HOXB8: variants seen among roughly 807,000 people sequenced by gnomAD.
The protein encoded by HOXB8 is homeobox B8.
HOXB8 carries 17 observed loss-of-function variants against 22.2 expected under a neutral mutation model. The observed-to-expected ratio is 0.77, with a 90% CI of 0.53 to 1.15. HOXB8 has a LOEUF of 1.15. HOXB8 is among the 50% of genes most tolerant of loss of function. The pLI is 0.00. For missense variants in HOXB8, 287 were observed against 323.8 expected (o/e 0.89, Z 0.87); for synonymous variants, 156 against 144.6 (o/e 1.08, Z -0.57).
chr17:48,613,529 C>T lies in HOXB8; in HGVS notation c.425-20G>A. On this transcript the variant is annotated intron_variant, in intron 1 of 1. Coordinates refer to ENST00000239144, the MANE Select transcript of HOXB8 (RefSeq NM_024016.4). ...CGGCTGCTGGGAATGGGGGAAAGGGCGAGACAGAGGGGAGGGGAGGGTGGG... is the reference window on the plus strand; with the variant it reads ...CGGCTGCTGGGAATGGGGGAAAGGGTGAGACAGAGGGGAGGGGAGGGTGGG... 1.5e-6 allele frequency: 1 copy of T among 673,672 alleles called. No homozygotes were observed. The allele number at this position is 673,672 out of a possible 1,614,324, so 41.7% of individuals were successfully genotyped here.
chr17:48,614,944 A>T lies in HOXB8; in HGVS notation c.-240T>A, dbSNP rs2145002307. 2.3e-6 allele frequency: 1 copy of T among 441,424 alleles called. No homozygotes were observed. The highest frequency in any genetic ancestry group is 3.8e-5 in the East Asian group (1 of 26,498). 27.3% of individuals were successfully genotyped at this position (441,424 alleles called of 1,614,324 possible). A position where few individuals can be genotyped will look rare whatever the true frequency, so the allele number is the denominator to read the frequency against. On this transcript the variant is annotated 5_prime_UTR_variant, in exon 1 of 2. Coordinates refer to ENST00000239144, the MANE Select transcript of HOXB8 (RefSeq NM_024016.4). The surrounding 1 kb of genome is among the most constrained non-coding windows in gnomAD (Gnocchi z 4.1). ...GGTTTCCAGGAATAGAAAAGGACAG[A>T]GAAGCCTCCAAAAGTCTAAGCTTGC... is the stretch of plus-strand genomic sequence containing the variant.
rs2070673329 is a variant in HOXB8, at chr17:48,613,047, G to A, written c.*155C>T. On this transcript the variant is annotated 3_prime_UTR_variant, in exon 2 of 2. Transcript: ENST00000239144. Reference sequence around the variant, plus strand: ...GCTATTACGAGATACTACCACTAGCGGGGACTGGCGCGGCGGGGGACGCTG... The same window carrying A: ...GCTATTACGAGATACTACCACTAGCAGGGACTGGCGCGGCGGGGGACGCTG... 1 of 280,452 alleles carries A rather than the reference G, an allele frequency of 3.6e-6. No individual in the cohort carries two copies. The highest frequency in any genetic ancestry group is 6.2e-6 in the Non-Finnish European group (1 of 161,580). 17.4% of individuals were successfully genotyped at this position (280,452 alleles called of 1,614,324 possible).
rs202069371 is a variant in HOXB8 at position 48,614,628 on chromosome 17, C to T, written c.77G>A (p.Cys26Tyr). The change falls in exon 1 of 2, where the codon TGC becomes TAC. Residue 26 changes from cysteine to tyrosine, a missense_variant. Transcript: ENST00000239144. This position sits in a 1 kb window ranked among gnomAD's most constrained non-coding sequence, Gnocchi z 4.1. ...GCCGCCCAGGTCCTGGGCGAAGCCG[C>T]AGTCATAATAATTGGGGCGCAGGGA... The part of the protein sequence containing the change: ...GESLRPNYYD[C>Y]GFAQDLGGRP... The T allele has an allele frequency of 2.0e-5, 32 of 1,609,850 alleles. 1 individual carries two copies. In the Admixed American group the frequency reaches 3.4e-4, roughly 17 times the overall value.
At position 48,614,726 on chromosome 17, in the gene HOXB8, G is replaced by A. The variant is rs773326975; in HGVS notation, c.-22C>T. ...TCATTTTATTGAATTTTGAGGCGGC[G>A]GCGGCGGCGGAGGCTATAGTTGGGG... On this transcript the variant is annotated 5_prime_UTR_variant, in exon 1 of 2. Coordinates refer to ENST00000239144, the MANE Select transcript of HOXB8 (RefSeq NM_024016.4). This position sits in a 1 kb window ranked among gnomAD's most constrained non-coding sequence, Gnocchi z 4.1. 1 of 1,500,118 alleles carries A rather than the reference G, an allele frequency of 6.7e-7. No individual in the cohort carries two copies. Among genetic ancestry groups the A allele is most frequent in the South Asian group, 1.3e-5 (1 of 75,492 alleles). The allele number at this position is 1,500,118 out of a possible 1,614,324, so 92.9% of individuals were successfully genotyped here. A position where few individuals can be genotyped will look rare whatever the true frequency, so the allele number is the denominator to read the frequency against.
In HOXB8 at chr17:48,614,392, C is replaced by G. The variant is rs1299914231; in HGVS notation, c.313G>C (p.Val105Leu). 1 of 1,612,892 alleles carries G rather than the reference C, an allele frequency of 6.2e-7. No homozygotes were observed. The highest frequency in any genetic ancestry group is 8.5e-7 in the Non-Finnish European group (1 of 1,179,838). The change falls in exon 1 of 2, where the codon GTG (valine) becomes CTG (leucine). Residue 105 changes from valine (V) to leucine (L), a missense_variant. This residue lies in a region of HOXB8 where 229 missense variants were observed against 239.8 expected (regional missense o/e 0.95). Transcript: ENST00000239144. This position sits in a 1 kb window ranked among gnomAD's most constrained non-coding sequence, Gnocchi z 4.1. Reference sequence around the variant, plus strand: ...GCAAGCTTGCAGTCTGCGTACTGCACCAGGTCTGGATCCTGCGCACCGAAT... The same window carrying G: ...GCAAGCTTGCAGTCTGCGTACTGCAGCAGGTCTGGATCCTGCGCACCGAAT... ...SLFGAQDPDL[V>L]QYADCKLAAA...
Position 48,614,366 on chromosome 17 carries a change from G to A in HOXB8, c.339C>T (p.Ala113=). The A allele has an allele frequency of 6.2e-7, 1 of 1,607,394 alleles. No individual in the cohort carries two copies. The highest frequency in any genetic ancestry group is 8.5e-7 in the Non-Finnish European group (1 of 1,178,342). ...CCTCCTCGCCCAGGCCGCTGGCGGC[G>A]GCAAGCTTGCAGTCTGCGTACTGCA... is the stretch of plus-strand genomic sequence containing the variant. ...DLVQYADCKL[A]AASGLGEEAE... Residue 113 remains alanine, a synonymous_variant, in exon 1 of 2, where the codon GCC becomes GCT. Transcript: ENST00000239144. The surrounding 1 kb of genome is among the most constrained non-coding windows in gnomAD (Gnocchi z 4.1).
chr17:48,614,885 G>A lies in HOXB8; in HGVS notation c.-181C>T, dbSNP rs1163236276. 1 of 555,474 alleles carries A rather than the reference G, an allele frequency of 1.8e-6. No individual in the cohort carries two copies. Among genetic ancestry groups the A allele is most frequent in the African/African-American group, 1.9e-5 (1 of 52,184 alleles). The allele number at this position is 555,474 out of a possible 1,614,324, so 34.4% of individuals were successfully genotyped here. A position where few individuals can be genotyped will look rare whatever the true frequency, so the allele number is the denominator to read the frequency against. Reference sequence around the variant, plus strand: ...GGGAAAAAAAGAAAAGAAAGAAAAGGCGAAGAAGATCTCGAAGCCGACACA... The same window carrying A: ...GGGAAAAAAAGAAAAGAAAGAAAAGACGAAGAAGATCTCGAAGCCGACACA... On this transcript the variant is annotated 5_prime_UTR_variant, in exon 1 of 2. Coordinates refer to ENST00000239144, the MANE Select transcript of HOXB8 (RefSeq NM_024016.4). This position sits in a 1 kb window ranked among gnomAD's most constrained non-coding sequence, Gnocchi z 4.1.
In HOXB8 at chr17:48,614,508, G is replaced by T; in HGVS notation, c.197C>A (p.Thr66Lys). 1 of 1,613,980 alleles carries T rather than the reference G, an allele frequency of 6.2e-7. No homozygotes were observed. The highest frequency in any genetic ancestry group is 8.5e-7 in the Non-Finnish European group (1 of 1,179,948). The part of the protein sequence containing the change: ...EFYHGPSSLS[T>K]APYQQNPCAV... ...GCACGGGTTCTGCTGGTAGGGAGCCGTGGACAGCGACGACGGCCCGTGGTA... is the reference window on the plus strand; with the variant it reads ...GCACGGGTTCTGCTGGTAGGGAGCCTTGGACAGCGACGACGGCCCGTGGTA... Residue 66 changes from threonine to lysine, a missense_variant, in exon 1 of 2, where the codon ACG becomes AAG. Physicochemically the swap from Thr to Lys is moderately conservative, Grantham distance 78 (BLOSUM62 -1). Around this residue, in one of 3 missense-constraint regions of HOXB8, gnomAD observed 229 missense variants for 239.8 expected, o/e 0.95. Transcript: ENST00000239144. This position sits in a 1 kb window ranked among gnomAD's most constrained non-coding sequence, Gnocchi z 4.1.
chr17:48,614,881 A>G lies in HOXB8; in HGVS notation c.-177T>C. ...AGGAGGGAAAAAAAGAAAAGAAAGA[A>G]AAGGCGAAGAAGATCTCGAAGCCGA... On this transcript the variant is annotated 5_prime_UTR_variant, in exon 1 of 2. Transcript: ENST00000239144. This position sits in a 1 kb window ranked among gnomAD's most constrained non-coding sequence, Gnocchi z 4.1. 2 of 555,276 alleles carry G rather than the reference A, an allele frequency of 3.6e-6. No individual in the cohort carries two copies. Among genetic ancestry groups the G allele is most frequent in the Non-Finnish European group, 6.2e-6 (2 of 323,430 alleles). The allele number at this position is 555,276 out of a possible 1,614,324, so 34.4% of individuals were successfully genotyped here.
At chr17:48,613,939 A>G (rs998744892) in intron 1 of HOXB8, among the ~76,000 whole-genome samples, 1 of 152,138 alleles carries the variant, frequency 6.6e-6, no homozygotes. Flanking sequence ...TAATTAAACT[A>G]TAAAGCAATT....
rs1292886577 is a variant in HOXB8, at chr17:48,613,364, G to C, written c.570C>G (p.Val190=). 1 of 1,614,016 alleles carries C rather than the reference G, an allele frequency of 6.2e-7. No homozygotes were observed. Among genetic ancestry groups the C allele is most frequent in the Non-Finnish European group, 8.5e-7 (1 of 1,179,980 alleles). ...SHALGLTERQ[V]KIWFQNRRMK... is the part of the protein sequence containing the mutation. The stretch of plus-strand genomic sequence containing the variant: ...TCCTCCGGTTCTGGAACCAGATTTT[G>C]ACCTGTCTCTCTGTCAGTCCCAGGG... Residue 190 remains valine, a synonymous_variant, in exon 2 of 2, where the codon GTC becomes GTG. Transcript: ENST00000239144.
At position 48,614,746 on chromosome 17, in the gene HOXB8, T is replaced by C. The variant is rs1315247011; in HGVS notation, c.-42A>G. 37 of 522,588 alleles carry C rather than the reference T, an allele frequency of 7.1e-5. No individual in the cohort carries two copies. The highest frequency in any genetic ancestry group is 2.1e-4 in the South Asian group (7 of 33,490). 32.4% of individuals were successfully genotyped at this position (522,588 alleles called of 1,614,324 possible). A position where few individuals can be genotyped will look rare whatever the true frequency, so the allele number is the denominator to read the frequency against. On this transcript the variant is annotated 5_prime_UTR_variant, in exon 1 of 2. Transcript: ENST00000239144. This position sits in a 1 kb window ranked among gnomAD's most constrained non-coding sequence, Gnocchi z 4.1. ...GCGGCGGCGGCGGCGGAGGCTATAG[T>C]TGGGGGCTGTTGGGGAGGGGGTGGG...
rs559373930 is a variant in HOXB8, at chr17:48,613,669, C to T, written c.425-160G>A. Among the ~76,000 whole-genome samples the T allele has an allele frequency of 8.8e-4, 133 of 150,592 alleles. 1 individual carries two copies. The highest frequency in any genetic ancestry group is 1.9e-3 in the South Asian group (9 of 4,788). On this transcript the variant is annotated intron_variant, in intron 1 of 1. Coordinates refer to ENST00000239144, the MANE Select transcript of HOXB8 (RefSeq NM_024016.4). Reference sequence around the variant, plus strand: ...GGGGGCGGGGGGGGCGCAAGAAGGCCGCGGTCGGCGGAGGAGGAGGGGCGA... The same window carrying T: ...GGGGGCGGGGGGGGCGCAAGAAGGCTGCGGTCGGCGGAGGAGGAGGGGCGA...
In HOXB8 at chr17:48,614,481, G is replaced by A; in HGVS notation, c.224C>T (p.Ala75Val). The A allele has an allele frequency of 6.2e-7, 1 of 1,613,990 alleles. No individual in the cohort carries two copies. Among genetic ancestry groups the A allele is most frequent in the Non-Finnish European group, 8.5e-7 (1 of 1,179,934 alleles). ...STAPYQQNPC[A>V]VACHGDPGNF... Reference sequence around the variant, plus strand: ...GCCGGGGTCCCCGTGGCACGCCACGGCGCACGGGTTCTGCTGGTAGGGAGC... The same window carrying A: ...GCCGGGGTCCCCGTGGCACGCCACGACGCACGGGTTCTGCTGGTAGGGAGC... Residue 75 changes from alanine to valine, a missense_variant, in exon 1 of 2, where the codon GCC becomes GTC. Physicochemically the swap from Ala to Val is moderately conservative, Grantham distance 64. This residue lies in a region of HOXB8 where 229 missense variants were observed against 239.8 expected (regional missense o/e 0.95). Coordinates refer to ENST00000239144, the MANE Select transcript of HOXB8 (RefSeq NM_024016.4). This position sits in a 1 kb window ranked among gnomAD's most constrained non-coding sequence, Gnocchi z 4.1.
rs1008017618 is a variant in HOXB8 at position 48,614,986 on chromosome 17, G to A, written c.-282C>T. On this transcript the variant is annotated 5_prime_UTR_variant, in exon 1 of 2. Coordinates refer to ENST00000239144, the MANE Select transcript of HOXB8 (RefSeq NM_024016.4). The surrounding 1 kb of genome is among the most constrained non-coding windows in gnomAD (Gnocchi z 4.1). The stretch of plus-strand genomic sequence containing the variant: ...TAAGCTTGCATGGCAGCCGCGGCTC[G>A]CTCGCCCTCCCCCCACCCCCCACCC... 1.0e-5 allele frequency: 3 copies of A among 294,840 alleles called. No individual in the cohort carries two copies. Among genetic ancestry groups the A allele is most frequent in the Non-Finnish European group, 1.9e-5 (3 of 161,148 alleles). The allele number at this position is 294,840 out of a possible 1,614,324, so 18.3% of individuals were successfully genotyped here. A position where few individuals can be genotyped will look rare whatever the true frequency, so the allele number is the denominator to read the frequency against.
rs2070693172 is a variant in HOXB8 at position 48,614,203 on chromosome 17, A to G, written c.424+78T>C. 3 of 607,708 alleles carry G rather than the reference A, an allele frequency of 4.9e-6. No individual in the cohort carries two copies. In the South Asian group the frequency reaches 8.9e-5, roughly 18 times the overall value. The allele number at this position is 607,708 out of a possible 1,614,324, so 37.6% of individuals were successfully genotyped here. A position where few individuals can be genotyped will look rare whatever the true frequency, so the allele number is the denominator to read the frequency against. On this transcript the variant is annotated intron_variant, in intron 1 of 1. Coordinates refer to ENST00000239144, the MANE Select transcript of HOXB8 (RefSeq NM_024016.4). This position sits in a 1 kb window ranked among gnomAD's most constrained non-coding sequence, Gnocchi z 4.1. ...AGCCGGCAAGTCTTCCAGAAGCTGG[A>G]GGAAATGCGCCCCGGCCTGCCAGGC... is the stretch of plus-strand genomic sequence containing the variant.
intron 1 of HOXB8, among the ~76,000 whole-genome samples, chr17:48,613,911 A>G (rs2070690393): frequency 6.6e-6 from 1 of 152,176 alleles, no homozygotes; most frequent in Non-Finnish European, 1.5e-5. Flanking sequence ...CTGCCCCAGA[A>G]GAAAAGTTTC....
At position 48,613,307 on chromosome 17, in the gene HOXB8, C is replaced by T. The variant is rs950256551; in HGVS notation, c.627G>A (p.Lys209=). Residue 209 remains lysine, a synonymous_variant, in exon 2 of 2, where the codon AAG becomes AAA. Transcript: ENST00000239144. ...CCTGCTCGCATTTGCTGCTGGGGAA[C>T]TTGTCTTTGTTGTTCTCTTTTTTCC... ...MKWKKENNKD[K]FPSSKCEQEE... 2.5e-6 allele frequency: 4 copies of T among 1,614,078 alleles called. No homozygotes were observed. The highest frequency in any genetic ancestry group is 1.7e-5 in the Admixed American group (1 of 60,016).
In HOXB8 at chr17:48,615,240, C is replaced by CTA. The variant is rs1029881314; in HGVS notation, c.-537_-536insTA. ...GAGCGAGGGTGAGAGCGAGAGAGAGCGAGCGAGAGAGAGAGCTAGAGCGAG... is the reference window on the plus strand; with the variant it reads ...GAGCGAGGGTGAGAGCGAGAGAGAGCTAGAGCGAGAGAGAGAGCTAGAGCGAG... On this transcript the variant is annotated 5_prime_UTR_variant, in exon 1 of 2. Transcript: ENST00000239144. 1.4e-5 allele frequency among the ~76,000 whole-genome samples: 2 copies of CTA among 137,944 alleles called. No individual in the cohort carries two copies. The highest frequency in any genetic ancestry group is 2.7e-5 in the African/African-American group (1 of 37,476). The allele number at this position is 137,944 out of a possible 152,430, so 90.5% of individuals were successfully genotyped here.
Sources: allele counts gnomAD v4.1 joint callset (sites outside exome capture counted in the v4.1 genomes callset), GRCh38; gene constraint gnomAD v4.1.1; regional missense constraint gnomAD v4.1.1; non-coding constraint Gnocchi (gnomAD v3.1); transcripts MANE v1.5; gene names NCBI Gene and HGNC (gene_info 2026-07-23, HGNC 2026-07-21).